Variants in MAML1 observed in about 807,000 individuals in gnomAD.
The protein encoded by MAML1 is mastermind-like protein 1.
MAML1 carries 14 observed loss-of-function variants against 77.1 expected under a neutral mutation model. That is an observed-to-expected ratio of 0.18 (90% CI 0.12 to 0.28). The LOEUF is 0.28. Among genes scored for constraint, MAML1 ranks in the 10% least tolerant of loss-of-function variants. The probability of loss-of-function intolerance (pLI) is 1.00; values close to 1 mark genes in which losing one functional copy is unlikely to be tolerated. For synonymous variants in MAML1, 516 were observed against 551.9 expected (o/e 0.93, Z 0.91); for missense variants, 1,217 against 1,327.8 (o/e 0.92, Z 1.30).
chr5:179,761,478 C>G (rs1289598715), intron 1 of MAML1, among the ~76,000 whole-genome samples: 1 of 152,172 alleles, frequency 6.6e-6, no homozygotes, highest in African/African-American at 2.4e-5. Context: ...GAGCGGATCA[C>G]CTGAGGTCAG....
rs987005398 is a variant in MAML1, at chr5:179,749,453, G to T, written c.316-15873G>T. ...TTTTTGTATTTTTAGTACAGAAGGG[G>T]TTTCACCATGTTGGCCAGGCTGGTC... is the stretch of plus-strand genomic sequence containing the variant. On this transcript the variant is annotated intron_variant, in intron 1 of 4. Coordinates refer to ENST00000292599, the MANE Select transcript of MAML1 (RefSeq NM_014757.5). Among the ~76,000 whole-genome samples, 6 of 152,012 alleles carry T rather than the reference G, an allele frequency of 3.9e-5. No individual in the cohort carries two copies. In the South Asian group the frequency reaches 1.0e-3, roughly 26 times the overall value.
At chr5:179,770,070 C>A (rs1219800996) in intron 3 of MAML1, among the ~76,000 whole-genome samples, 2 of 152,108 alleles carry the variant, frequency 1.3e-5, no homozygotes, top group Admixed American at 6.6e-5. Context: ...TTTTCATTAC[C>A]CTAAAACAAA....
rs776661841 is a variant in MAML1, at chr5:179,736,965, T to TAA, written c.315+3553_315+3554dup. Among the ~76,000 whole-genome samples, 7 of 89,512 alleles carry TAA rather than the reference T, an allele frequency of 7.8e-5. No homozygotes were observed. In the East Asian group the frequency reaches 1.8e-3, roughly 23 times the overall value. 58.7% of individuals were successfully genotyped at this position (89,512 alleles called of 152,430 possible). Reference sequence around the variant, plus strand: ...AACAGAGGGAGACTCCGTCTCAAATTAAAAAAAAAAAAAAAAGGTATATTA... The same window carrying TAA: ...AACAGAGGGAGACTCCGTCTCAAATTAAAAAAAAAAAAAAAAAAGGTATATTA... On this transcript the variant is annotated intron_variant, in intron 1 of 4. Coordinates refer to ENST00000292599, the MANE Select transcript of MAML1 (RefSeq NM_014757.5).
rs551724621 is a variant in MAML1 at position 179,737,349 on chromosome 5, G to A, written c.315+3922G>A. ...GCCTTGGAATGGGGTCATCGGAACA[G>A]AAGATAAGTATCATTAAGAAAACAG... is the stretch of plus-strand genomic sequence containing the variant. On this transcript the variant is annotated intron_variant, in intron 1 of 4. Transcript: ENST00000292599. Among the ~76,000 whole-genome samples, 5 of 152,322 alleles carry A rather than the reference G, an allele frequency of 3.3e-5. No homozygotes were observed. In the South Asian group the frequency reaches 8.3e-4, roughly 25 times the overall value.
chr5:179,748,348 C>T lies in MAML1; in HGVS notation c.315+14921C>T, dbSNP rs527665501. On this transcript the variant is annotated intron_variant, in intron 1 of 4. Coordinates refer to ENST00000292599, the MANE Select transcript of MAML1 (RefSeq NM_014757.5). Reference sequence around the variant, plus strand: ...CCACCCACCTCAGCCTCTCAAAGTGCTGGGATTACAGCCATGAGCCACTGC... The same window carrying T: ...CCACCCACCTCAGCCTCTCAAAGTGTTGGGATTACAGCCATGAGCCACTGC... Among the ~76,000 whole-genome samples the T allele has an allele frequency of 7.9e-5, 12 of 151,774 alleles. No individual in the cohort carries two copies. The South Asian group carries it at 2.1e-3, about 26-fold the overall frequency.
intron 1 of MAML1, among the ~76,000 whole-genome samples, chr5:179,752,693 G>A (rs1779519242): frequency 7.7e-6 from 1 of 129,244 alleles, no homozygotes; most frequent in Admixed American, 9.6e-5. Context: ...TACAAGCTCC[G>A]CCTCCCGGGT....
At chr5:179,733,944 T>C (rs750880673) in intron 1 of MAML1, among the ~76,000 whole-genome samples, 3 of 152,238 alleles carry the variant, frequency 2.0e-5, no homozygotes, top group Non-Finnish European at 4.4e-5. Context: ...TTTGGAAAAC[T>C]TAGTAAAATG....
intron 1 of MAML1, among the ~76,000 whole-genome samples, chr5:179,759,031 G>A (rs1389580482): frequency 1.3e-5 from 2 of 152,076 alleles, no homozygotes; most frequent in Non-Finnish European, 2.9e-5. Flanking sequence ...TGTTTGTGGC[G>A]CTGGTATGTG....
Position 179,733,349 on chromosome 5 carries a change from C to A in MAML1, c.237C>A (p.Ala79=). The A allele has an allele frequency of 7.7e-7, 1 of 1,294,894 alleles. No individual in the cohort carries two copies. The highest frequency in any genetic ancestry group is 9.8e-7 in the Non-Finnish European group (1 of 1,018,378). The allele number at this position is 1,294,894 out of a possible 1,614,324, so 80.2% of individuals were successfully genotyped here. A position where few individuals can be genotyped will look rare whatever the true frequency, so the allele number is the denominator to read the frequency against. The change falls in exon 1 of 5, where the codon GCC becomes GCA. Residue 79 remains alanine (A), a synonymous_variant. Transcript: ENST00000292599. ...KRAGKHRQPP[A]ATAPAPAAPA... The stretch of plus-strand genomic sequence containing the variant: ...CCGGGAAGCACAGGCAGCCGCCCGC[C>A]GCCACGGCCCCGGCGCCCGCCGCCC...
chr5:179,734,089 T>G (rs1469393207), intron 1 of MAML1, among the ~76,000 whole-genome samples: 1 of 152,254 alleles, frequency 6.6e-6, no homozygotes, highest in Non-Finnish European at 1.5e-5. Context: ...GTTAGATTGT[T>G]GGTCAATTAT....
At chr5:179,773,721 A>G in intron 4 of MAML1, 174 bp from the exon 5 acceptor site, 1 of 984,728 alleles carries the variant, frequency 1.0e-6, no homozygotes. Context: ...GAACCCCATC[A>G]TTGTTTCAGA....
intron 1 of MAML1, among the ~76,000 whole-genome samples, chr5:179,736,304 G>C (rs1198911694): frequency 6.6e-6 from 1 of 151,968 alleles, no homozygotes; most frequent in Non-Finnish European, 1.5e-5. Context: ...CCAGGCTGGA[G>C]TGCAATGGTG....
intron 1 of MAML1, among the ~76,000 whole-genome samples, chr5:179,740,286 C>A (rs1032159781): frequency 2.6e-5 from 4 of 151,970 alleles, no homozygotes; most frequent in African/African-American, 9.7e-5. Flanking sequence ...TGATATGATC[C>A]AACTTAGGTT....
chr5:179,749,644 TCATGA>T (rs1779448743), intron 1 of MAML1, among the ~76,000 whole-genome samples: 1 of 152,026 alleles, frequency 6.6e-6, no homozygotes, highest in Non-Finnish European at 1.5e-5. Flanking sequence ...AAAGACTAAA[TCATGA>T]AAGAGTAAGA....
Position 179,765,865 on chromosome 5 carries a change from C to G in MAML1, c.855C>G (p.Gly285=), listed in dbSNP as rs751927067. ...AGAAGAAGGACCCAGAGTCTTCTGG[C>G]TCTGCCACACAAACCCCCTTGGCAC... The part of the protein sequence containing the change: ...FEEKKDPESS[G]SATQTPLAQD... The change falls in exon 2 of 5, where the codon GGC becomes GGG. Residue 285 remains glycine (G), a synonymous_variant. Transcript: ENST00000292599. The G allele has an allele frequency of 1.9e-6, 3 of 1,614,134 alleles. No individual in the cohort carries two copies. Among genetic ancestry groups the G allele is most frequent in the Admixed American group, 1.7e-5 (1 of 60,020 alleles).
At chr5:179,742,226 T>C (rs1189153078) in intron 1 of MAML1, among the ~76,000 whole-genome samples, 4 of 149,694 alleles carry the variant, frequency 2.7e-5, no homozygotes, top group African/African-American at 4.9e-5. Context: ...CGGTGGCTCA[T>C]GCCTGTAATC....
intron 1 of MAML1, among the ~76,000 whole-genome samples, chr5:179,753,670 T>A (rs1232066413): frequency 7.0e-6 from 1 of 142,882 alleles, no homozygotes; most frequent in African/African-American, 2.5e-5. Context: ...TTTTTTTTTT[T>A]TTTTTTTGAG....
In MAML1 at chr5:179,766,381, A is replaced by G. The variant is rs774977801; in HGVS notation, c.1371A>G (p.Gln457=). The change falls in exon 2 of 5, where the codon CAA becomes CAG. Residue 457 remains glutamine (Q), a synonymous_variant. Transcript: ENST00000292599. This position sits in a 1 kb window ranked among gnomAD's most constrained non-coding sequence, Gnocchi z 4.0. ...EKPASPSSYK[Q]DFTNSKLLMM... The stretch of plus-strand genomic sequence containing the variant: ...CTGCCAGCCCTTCCAGCTACAAGCA[A>G]GACTTCACTAACTCCAAACTGCTCA... 1.2e-6 allele frequency: 2 copies of G among 1,609,668 alleles called. No homozygotes were observed. Among genetic ancestry groups the G allele is most frequent in the East Asian group, 2.2e-5 (1 of 44,826 alleles).
chr5:179,760,787 A>C (rs1779709404), intron 1 of MAML1, among the ~76,000 whole-genome samples: 1 of 152,186 alleles, frequency 6.6e-6, no homozygotes, highest in Non-Finnish European at 1.5e-5. Flanking sequence ...GTAAAGAAAA[A>C]GGGAACTTTA....
Sources: gnomAD v4.1 joint callset for allele counts (sites outside exome capture counted in the v4.1 genomes callset) on GRCh38, gnomAD v4.1.1 for gene constraint, Gnocchi (gnomAD v3.1) non-coding constraint, MANE v1.5 for transcripts, NCBI Gene and HGNC (gene_info 2026-07-23, HGNC 2026-07-21) for gene names.